Variants in TOX2 observed in about 807,000 individuals in gnomAD.
TOX2 encodes the protein granulosa cell HMG box 1.
A neutral mutation model predicts 47.4 loss-of-function variants in TOX2; 15 were observed. The observed-to-expected ratio is 0.32, with a 90% CI of 0.21 to 0.49. The LOEUF (loss-of-function observed/expected upper bound fraction) is 0.49. TOX2 is among the 20% of genes least tolerant of loss of function. The probability of loss-of-function intolerance (pLI) is 0.99; values close to 1 mark genes in which losing one functional copy is unlikely to be tolerated. For synonymous variants in TOX2, 290 were observed against 296.6 expected, an observed-to-expected ratio of 0.98 and a Z score of 0.23; for missense variants, 622 against 673.1, an observed-to-expected ratio of 0.92 and a Z score of 0.84.
intron 1 of TOX2, among the ~76,000 whole-genome samples, chr20:43,970,769 T>G (rs1045487667): frequency 2.6e-5 from 4 of 152,144 alleles, no homozygotes; most frequent in African/African-American, 4.8e-5. Flanking sequence ...TCTGGGAGAT[T>G]TGGAGATGAC....
chr20:43,985,587 T>A (rs1034963825), intron 2 of TOX2, among the ~76,000 whole-genome samples: 1 of 152,182 alleles, frequency 6.6e-6, no homozygotes, highest in African/African-American at 2.4e-5. Flanking sequence ...CCAAAGTGGT[T>A]ATTCTAGTGC....
Position 44,051,402 on chromosome 20 carries a change from G to A in TOX2, c.508G>A (p.Ala170Thr), listed in dbSNP as rs758285122. 2.5e-6 allele frequency: 4 copies of A among 1,613,964 alleles called. No individual in the cohort carries two copies. Among genetic ancestry groups the A allele is most frequent in the Admixed American group, 1.7e-5 (1 of 59,986 alleles). ...RPAMLASHMS[A>T]LSQSQLISQM... ...GGCAATGCTGGCCAGCCACATGAGTGCCCTCAGCCAGTCCCAGCTCATCTC... is the reference window on the plus strand; with the variant it reads ...GGCAATGCTGGCCAGCCACATGAGTACCCTCAGCCAGTCCCAGCTCATCTC... The change falls in exon 4 of 9, where the codon GCC becomes ACC. Residue 170 changes from alanine to threonine, a missense_variant. By Grantham distance (58) the Ala-to-Thr change is moderately conservative. Coordinates refer to ENST00000341197, the MANE Select transcript of TOX2 (RefSeq NM_001098797.2).
chr20:44,016,551 G>A (rs2070882121), intron 3 of TOX2, among the ~76,000 whole-genome samples: 1 of 152,128 alleles, frequency 6.6e-6, no homozygotes, highest in African/African-American at 2.4e-5. Context: ...TGCCTTGTAG[G>A]ATGTCTAGCA....
At chr20:43,934,883 T>A (rs1169041587) in intron 1 of TOX2, among the ~76,000 whole-genome samples, 1 of 151,900 alleles carries the variant, frequency 6.6e-6, no homozygotes, top group Admixed American at 6.6e-5. Flanking sequence ...CTGTAGACCA[T>A]TTTTTGGACA....
intron 5 of TOX2, among the ~76,000 whole-genome samples, chr20:44,058,029 C>T (rs962455465): frequency 2.1e-4 from 31 of 146,602 alleles, no homozygotes; most frequent in Non-Finnish European, 7.4e-5. Flanking sequence ...AGCTCCCACT[C>T]GGACAGACAG....
rs1380862041 is a variant in TOX2, at chr20:44,068,177, A to AAGTC, written c.1485-470_1485-467dup. Among the ~76,000 whole-genome samples, 35 of 152,106 alleles carry AAGTC rather than the reference A, an allele frequency of 2.3e-4. 2 individuals carry two copies. In the South Asian group the frequency reaches 7.0e-3, roughly 31 times the overall value. On this transcript the variant is annotated intron_variant, in intron 8 of 8. Transcript: ENST00000341197. ...TCCTGTCCCTAAGTTTCCTTCTCAA[A>AAGTC]AGTCAGAATACTTAGGGTATGTAGG...
intron 5 of TOX2, among the ~76,000 whole-genome samples, chr20:44,055,859 A>G (rs1366426963): frequency 1.3e-5 from 2 of 152,218 alleles, no homozygotes; most frequent in African/African-American, 4.8e-5. Flanking sequence ...CTTGGGGCAG[A>G]GAGATGAATT....
intron 3 of TOX2, among the ~76,000 whole-genome samples, chr20:44,024,310 T>C (rs1485538439): frequency 6.6e-6 from 1 of 152,224 alleles, no homozygotes; most frequent in African/African-American, 2.4e-5. Context: ...ATCCATCTTA[T>C]TGCTTTATCT....
At chr20:43,938,231 C>T (rs1181009253) in intron 1 of TOX2, among the ~76,000 whole-genome samples, 1 of 152,152 alleles carries the variant, frequency 6.6e-6, no homozygotes, top group African/African-American at 2.4e-5. Flanking sequence ...TGTGGACTGG[C>T]AGCCTGTCCC....
intron 2 of TOX2, among the ~76,000 whole-genome samples, chr20:43,982,634 G>A (rs1040854785): frequency 3.3e-5 from 5 of 151,896 alleles, no homozygotes; most frequent in South Asian, 2.1e-4. Flanking sequence ...AGAAGCTCCT[G>A]GGAGGTGAGG....
chr20:44,006,203 A>G (rs1293930855), intron 2 of TOX2, among the ~76,000 whole-genome samples: 2 of 152,090 alleles, frequency 1.3e-5, no homozygotes, highest in Non-Finnish European at 2.9e-5. Context: ...CTGAGTCTCT[A>G]TCTGTGAAAT....
chr20:44,051,911 G>A (rs927608387), intron 4 of TOX2, among the ~76,000 whole-genome samples: 2 of 152,226 alleles, frequency 1.3e-5, no homozygotes, highest in Non-Finnish European at 2.9e-5. Flanking sequence ...CCACAGCCTT[G>A]TGCGTAAAGC....
intron 1 of TOX2, among the ~76,000 whole-genome samples, chr20:43,922,019 G>T (rs2069117664): frequency 6.6e-6 from 1 of 152,160 alleles, no homozygotes; most frequent in Non-Finnish European, 1.5e-5. Flanking sequence ...TGGAGGCAGA[G>T]AAATTGGTTC....
rs141627216 is a variant in TOX2, at chr20:43,940,582, G to C, written c.99+25592G>C. ...ATTGGCCTGGAAAATAAATGGGGGAGGGTGAGCTAAGGGGCTGCTATGGGG... is the reference window on the plus strand; with the variant it reads ...ATTGGCCTGGAAAATAAATGGGGGACGGTGAGCTAAGGGGCTGCTATGGGG... On this transcript the variant is annotated intron_variant, in intron 1 of 8. Transcript: ENST00000341197. Among the ~76,000 whole-genome samples the C allele has an allele frequency of 7.3e-3, 1,114 of 152,026 alleles. 19 individuals are homozygous for C. The highest frequency in any genetic ancestry group is 0.056 in the South Asian group (268 of 4,814).
In TOX2 at chr20:44,006,588, C is replaced by G; in HGVS notation, c.207C>G (p.Ile69Met). 1.2e-6 allele frequency: 2 copies of G among 1,613,868 alleles called. No individual in the cohort carries two copies. The highest frequency in any genetic ancestry group is 2.2e-5 in the East Asian group (1 of 44,890). The change falls in exon 3 of 9, where the codon ATC (isoleucine) becomes ATG (methionine). Residue 69 changes from isoleucine (I) to methionine (M), a missense_variant. By Grantham distance (10) the Ile-to-Met change is conservative. Transcript: ENST00000341197. Reference protein sequence around the residue: ...GQSENNEDYEIPPITPPNLPE... With the variant: ...GQSENNEDYEMPPITPPNLPE... ...GCGAGAACAACGAAGACTATGAGAT[C>G]CCCCCGATAACACCTCCCAACCTCC...
chr20:44,012,936 T>C (rs2070804306), intron 3 of TOX2, among the ~76,000 whole-genome samples: 1 of 152,250 alleles, frequency 6.6e-6, no homozygotes, highest in Non-Finnish European at 1.5e-5. Flanking sequence ...GGCTAGGGGC[T>C]GTGGCCCAGG....
At chr20:44,063,482 G>A (rs1426767353) in intron 5 of TOX2, among the ~76,000 whole-genome samples, 1 of 152,144 alleles carries the variant, frequency 6.6e-6, no homozygotes, top group Non-Finnish European at 1.5e-5. Context: ...GTGGCAAAAA[G>A]GGAACACTTT....
At chr20:44,019,467 G>T (rs1452175475) in intron 3 of TOX2, among the ~76,000 whole-genome samples, 1 of 152,258 alleles carries the variant, frequency 6.6e-6, no homozygotes, top group Non-Finnish European at 1.5e-5. Flanking sequence ...GGTGGGCAAA[G>T]GTGGGACCCT....
chr20:43,986,716 G>T (rs572613310), intron 2 of TOX2, among the ~76,000 whole-genome samples: 2 of 152,308 alleles, frequency 1.3e-5, no homozygotes, highest in Non-Finnish European at 2.9e-5. Context: ...CCATTTTGCA[G>T]TATCTAAAGC....
Sources: gnomAD v4.1 joint callset for allele counts (sites outside exome capture counted in the v4.1 genomes callset) on GRCh38, gnomAD v4.1.1 for gene constraint, MANE v1.5 for transcripts, NCBI Gene and HGNC (gene_info 2026-07-23, HGNC 2026-07-21) for gene names.